CEP112: variants seen among roughly 807,000 people sequenced by gnomAD.
CEP112 encodes centrosomal protein 112.
A neutral mutation model predicts 153.0 loss-of-function variants in CEP112; 127 were observed. The ratio of observed to expected loss-of-function variants is 0.83; its 90% CI spans 0.72 to 0.96. The LOEUF is 0.96. Ranked by LOEUF, CEP112 falls within the 40% of genes least tolerant of loss-of-function variation. The pLI is 0.00. For missense variants in CEP112, 1,089 were observed against 1,101.2 expected (o/e 0.99, Z 0.16); for synonymous variants, 358 against 374.4 (o/e 0.96, Z 0.51).
intron 21 of CEP112, among the ~76,000 whole-genome samples, chr17:65,785,297 T>C (rs2054222367): frequency 6.6e-6 from 1 of 152,244 alleles, no homozygotes; most frequent in Non-Finnish European, 1.5e-5. Flanking sequence ...TACAAGTTTC[T>C]TTGGGAAATA....
intron 1 of CEP112, among the ~76,000 whole-genome samples, chr17:66,188,275 CCACACACACAAACACA>C (rs774473152): frequency 1.5e-3 from 186 of 120,742 alleles, no homozygotes; most frequent in Middle Eastern, 4.0e-3. Context: ...GTCTCTCACA[CCACACACACAAACACA>C]CACACACACA....
At chr17:66,116,998 C>G (rs1372440240) in intron 6 of CEP112, among the ~76,000 whole-genome samples, 1 of 151,462 alleles carries the variant, frequency 6.6e-6, no homozygotes, top group African/African-American at 2.4e-5. Context: ...TCCTGAGTAA[C>G]TGGAACTACA....
At chr17:66,174,942 A>ACT in intron 4 of CEP112, 102 bp downstream of exon 4, 1 of 728,218 alleles carries the variant, frequency 1.4e-6, no homozygotes, top group Non-Finnish European at 2.0e-6. Context: ...GGAAAAGTAA[A>ACT]CTACTTCCAT....
intron 20 of CEP112, among the ~76,000 whole-genome samples, chr17:65,881,618 T>C (rs770890155): frequency 1.3e-5 from 2 of 152,176 alleles, no homozygotes; most frequent in Non-Finnish European, 1.5e-5. Flanking sequence ...CCACTGGACA[T>C]GGATAAAAAG....
chr17:66,183,304 C>G lies in CEP112; in HGVS notation c.-5G>C. 6.3e-7 allele frequency: 1 copy of G among 1,588,972 alleles called. No homozygotes were observed. Among genetic ancestry groups the G allele is most frequent in the Non-Finnish European group, 8.6e-7 (1 of 1,162,074 alleles). On this transcript the variant is annotated 5_prime_UTR_variant, in exon 2 of 27. Coordinates refer to ENST00000535342, the MANE Select transcript of CEP112 (RefSeq NM_001199165.4). Reference sequence around the variant, plus strand: ...TTCTTCACTTCCCACTTCCATAATCCAATCTGTAAAAGATTTTAAATCAAA... The same window carrying G: ...TTCTTCACTTCCCACTTCCATAATCGAATCTGTAAAAGATTTTAAATCAAA...
chr17:65,660,835 G>A (rs780110645), intron 24 of CEP112, among the ~76,000 whole-genome samples: 5 of 152,042 alleles, frequency 3.3e-5, no homozygotes, highest in Non-Finnish European at 7.4e-5. Flanking sequence ...GCGCCGCCTG[G>A]CCATACCTTG....
At chr17:66,090,865 C>G (rs533826017) in intron 8 of CEP112, among the ~76,000 whole-genome samples, 20 of 151,784 alleles carry the variant, frequency 1.3e-4, no homozygotes, top group Admixed American at 1.1e-3. Flanking sequence ...CTCATGCAAA[C>G]GGAAATGGAA....
intron 4 of CEP112, among the ~76,000 whole-genome samples, chr17:66,134,549 A>G (rs1401633481): frequency 6.6e-6 from 1 of 152,246 alleles, no homozygotes; most frequent in East Asian, 1.9e-4. Flanking sequence ...CCATAAAACC[A>G]TTCTCTGGCC....
chr17:66,124,467 T>TA (rs2069748009), intron 6 of CEP112, among the ~76,000 whole-genome samples: 1 of 152,320 alleles, frequency 6.6e-6, no homozygotes, highest in South Asian at 2.1e-4. Context: ...AGGTTTCTTT[T>TA]ATCTGTTGAT....
chr17:65,915,519 C>T (rs533616117), intron 19 of CEP112, among the ~76,000 whole-genome samples: 2 of 152,250 alleles, frequency 1.3e-5, no homozygotes, highest in East Asian at 1.9e-4. Context: ...GGTGCAGTAG[C>T]TCACGCCTGT....
chr17:65,903,930 C>CT (rs2059971068), intron 19 of CEP112, among the ~76,000 whole-genome samples: 1 of 152,158 alleles, frequency 6.6e-6, no homozygotes, highest in African/African-American at 2.4e-5. Context: ...ATGCTAAAAA[C>CT]TCTCAATAAA....
chr17:66,161,809 T>A (rs1467049311), intron 4 of CEP112, among the ~76,000 whole-genome samples: 1 of 151,860 alleles, frequency 6.6e-6, no homozygotes, highest in East Asian at 1.9e-4. Flanking sequence ...TCTACACATG[T>A]ATCCCAGAAC....
intron 6 of CEP112, among the ~76,000 whole-genome samples, chr17:66,104,940 G>A (rs1188813625): frequency 1.3e-5 from 2 of 152,130 alleles, no homozygotes; most frequent in Non-Finnish European, 2.9e-5. Flanking sequence ...TCATCTAAAG[G>A]TATAAAGGTC....
intron 18 of CEP112, among the ~76,000 whole-genome samples, chr17:65,956,613 G>A (rs55746940): frequency 0.41 from 62,417 of 150,996 alleles, 14,227 homozygotes; most frequent in East Asian, 0.87. Context: ...TAAACTCTGG[G>A]GACTCAGGGG....
chr17:66,141,289 G>C (rs1397932235), intron 4 of CEP112, among the ~76,000 whole-genome samples: 1 of 151,678 alleles, frequency 6.6e-6, no homozygotes, highest in Admixed American at 6.6e-5. Flanking sequence ...TCAATTGTAA[G>C]CACATTTTTA....
At chr17:65,918,146 C>T (rs1052653894) in intron 19 of CEP112, among the ~76,000 whole-genome samples, 1 of 146,238 alleles carries the variant, frequency 6.8e-6, no homozygotes, top group Non-Finnish European at 1.5e-5. Flanking sequence ...CGCCACTGCA[C>T]TCCAGCCTGA....
intron 23 of CEP112, among the ~76,000 whole-genome samples, chr17:65,716,809 C>A (rs2049551686): frequency 6.6e-6 from 1 of 151,798 alleles, no homozygotes; most frequent in African/African-American, 2.4e-5. Context: ...GGAAAAAAAA[C>A]AACTGAAGTG....
At chr17:66,018,740 A>C (rs2145597216) in intron 16 of CEP112, among the ~76,000 whole-genome samples, 1 of 152,328 alleles carries the variant, frequency 6.6e-6, no homozygotes, top group Middle Eastern at 3.4e-3. Flanking sequence ...TATTTTAAGG[A>C]TTGTGAACTC....
chr17:65,759,137 T>C (rs1048115003), intron 21 of CEP112, among the ~76,000 whole-genome samples: 3 of 152,188 alleles, frequency 2.0e-5, no homozygotes, highest in Non-Finnish European at 4.4e-5. Flanking sequence ...CCTGACAGTT[T>C]ACAAATGCCA....
Sources: gnomAD v4.1 joint callset for allele counts (sites outside exome capture counted in the v4.1 genomes callset) on GRCh38, gnomAD v4.1.1 for gene constraint, MANE v1.5 for transcripts, NCBI Gene and HGNC (gene_info 2026-07-23, HGNC 2026-07-21) for gene names.